The following TRHDE variants were observed in gnomAD, a reference collection of about 807,000 sequenced individuals.
The protein encoded by TRHDE is thyrotropin-releasing hormone-degrading ectoenzyme.
TRHDE carries 72 observed loss-of-function variants against 125.7 expected under a neutral mutation model. That is an observed-to-expected ratio of 0.57 (90% CI 0.47 to 0.70). The LOEUF is 0.70. TRHDE is among the 30% of genes least tolerant of loss of function. The pLI, the probability that TRHDE is intolerant of heterozygous loss-of-function variation, is 0.00. For missense variants in TRHDE, 1,110 were observed against 1,327.1 expected (o/e 0.84, Z 2.54); for synonymous variants, 509 against 509.1 (o/e 1.00, Z 0.00).
chr12:72,474,152 G>T (rs1446537623), intron 5 of TRHDE, among the ~76,000 whole-genome samples: 1 of 151,960 alleles, frequency 6.6e-6, no homozygotes, highest in Non-Finnish European at 1.5e-5. Flanking sequence ...TTTAATGTAT[G>T]CAACTTGATG....
At position 72,663,059 on chromosome 12, in the gene TRHDE, A is replaced by G. The variant is rs765093582; in HGVS notation, c.3074A>G (p.Asn1025Ser). 1 of 1,608,826 alleles carries G rather than the reference A, an allele frequency of 6.2e-7. No homozygotes were observed. Reference sequence around the variant, plus strand: ...AAAAATTTCTCTTTCCAGCTCAAGAACTTCATGAAAAACTATGATGGGGTA... The same window carrying G: ...AAAAATTTCTCTTTCCAGCTCAAGAGCTTCATGAAAAACTATGATGGGGTA... Reference protein sequence around the residue: ...NTEGELKELKNFMKNYDGVAA... With the variant: ...NTEGELKELKSFMKNYDGVAA... Residue 1025 changes from asparagine (N) to serine (S), a missense_variant, in exon 19 of 19, where the codon AAC becomes AGC. Physicochemically the swap from Asn to Ser is conservative, Grantham distance 46 (BLOSUM62 1). This residue lies in a region of TRHDE where 527 missense variants were observed against 651.8 expected (regional missense o/e 0.81). Coordinates refer to ENST00000261180, the MANE Select transcript of TRHDE (RefSeq NM_013381.3).
chr12:72,230,708 A>G (rs1878230601), intron 2 of TRHDE, among the ~76,000 whole-genome samples: 1 of 152,118 alleles, frequency 6.6e-6, no homozygotes, highest in Admixed American at 6.6e-5. Context: ...CAGGACACAG[A>G]AAGACCCATC....
At chr12:72,425,133 T>C (rs1874129889) in intron 3 of TRHDE, among the ~76,000 whole-genome samples, 1 of 152,082 alleles carries the variant, frequency 6.6e-6, no homozygotes, top group South Asian at 2.1e-4. Flanking sequence ...GCATATGCAT[T>C]TTGTTGTTGT....
intron 15 of TRHDE, among the ~76,000 whole-genome samples, chr12:72,648,516 A>T (rs1386573775): frequency 6.6e-6 from 1 of 152,186 alleles, no homozygotes; most frequent in Non-Finnish European, 1.5e-5. Context: ...TCCACCAAAA[A>T]CCATTAGAAC....
At chr12:72,117,030 C>T (rs1420542167) in intron 2 of TRHDE, among the ~76,000 whole-genome samples, 1 of 152,020 alleles carries the variant, frequency 6.6e-6, no homozygotes, top group Non-Finnish European at 1.5e-5. Context: ...TTTTTTCTCC[C>T]ATTCTGTGGG....
intron 6 of TRHDE, among the ~76,000 whole-genome samples, chr12:72,500,608 T>G (rs1878108656): frequency 6.6e-6 from 1 of 151,996 alleles, no homozygotes; most frequent in African/African-American, 2.4e-5. Flanking sequence ...GCCAGGCTGG[T>G]CTCAAACTCC....
At chr12:72,425,606 G>A (rs932887389) in intron 3 of TRHDE, among the ~76,000 whole-genome samples, 4 of 151,808 alleles carry the variant, frequency 2.6e-5, no homozygotes, top group Non-Finnish European at 5.9e-5. Context: ...AAGATAAGTG[G>A]AAAAAACAAC....
At chr12:72,181,460 C>G (rs1345491426) in intron 2 of TRHDE, among the ~76,000 whole-genome samples, 2 of 152,058 alleles carry the variant, frequency 1.3e-5, no homozygotes, top group East Asian at 3.9e-4. Context: ...CTGGGCTAAC[C>G]AAACCAGCTC....
intron 2 of TRHDE, among the ~76,000 whole-genome samples, chr12:72,361,261 A>T (rs1208033125): frequency 6.6e-6 from 1 of 151,886 alleles, no homozygotes; most frequent in Non-Finnish European, 1.5e-5. Context: ...CATGGGATTT[A>T]TTCAGGTGTT....
chr12:72,566,999 C>T (rs530700049), intron 9 of TRHDE, among the ~76,000 whole-genome samples: 1 of 152,020 alleles, frequency 6.6e-6, no homozygotes, highest in African/African-American at 2.4e-5. Context: ...CATAGTTGGG[C>T]ATCATGGTCT....
intron 2 of TRHDE, among the ~76,000 whole-genome samples, chr12:72,262,068 A>G (rs1292432438): frequency 2.6e-5 from 4 of 152,220 alleles, no homozygotes; most frequent in Admixed American, 2.0e-4. Flanking sequence ...ATCCATCTGC[A>G]GAGCAGAAGC....
chr12:72,572,677 A>T (rs1242298563), intron 10 of TRHDE, among the ~76,000 whole-genome samples: 1 of 152,122 alleles, frequency 6.6e-6, no homozygotes, highest in East Asian at 1.9e-4. Context: ...TACATTTAAT[A>T]ATGACATACT....
chr12:72,637,312 T>C (rs1484648355), intron 15 of TRHDE, among the ~76,000 whole-genome samples: 2 of 152,246 alleles, frequency 1.3e-5, no homozygotes, highest in Non-Finnish European at 2.9e-5. Context: ...TAATATTCTC[T>C]GATGGTAGTT....
intron 2 of TRHDE, among the ~76,000 whole-genome samples, chr12:72,369,682 A>G (rs1350947427): frequency 6.6e-6 from 1 of 152,148 alleles, no homozygotes; most frequent in Non-Finnish European, 1.5e-5. Flanking sequence ...GACAGTAGTT[A>G]CAGAAAGTTG....
intron 12 of TRHDE, among the ~76,000 whole-genome samples, chr12:72,592,833 C>A (rs2136049359): frequency 6.6e-6 from 1 of 152,086 alleles, no homozygotes; most frequent in Middle Eastern, 3.4e-3. Context: ...GCCTCAGCAT[C>A]CCGAGTAGCT....
At chr12:72,108,770 A>G (rs1875248116) in intron 2 of TRHDE, among the ~76,000 whole-genome samples, 1 of 152,136 alleles carries the variant, frequency 6.6e-6, no homozygotes. Context: ...ATTTGACAGT[A>G]TGAGAAGGGA....
chr12:72,645,690 T>TA (rs565940961), intron 15 of TRHDE, among the ~76,000 whole-genome samples: 156 of 152,096 alleles, frequency 1.0e-3, no homozygotes, highest in Non-Finnish European at 1.8e-3. Flanking sequence ...TTGGCAAAAG[T>TA]AAAAAAGAGA....
At chr12:72,177,582 TGTAGAATAAAGACTAAA>T (rs1228286416) in intron 2 of TRHDE, among the ~76,000 whole-genome samples, 1 of 152,164 alleles carries the variant, frequency 6.6e-6, no homozygotes, top group Admixed American at 6.6e-5. Flanking sequence ...ATTCTACATA[TGTAGAATAAAGACTAAA>T]AGCCAATTTT....
At chr12:72,595,668 T>A (rs1871908303) in intron 12 of TRHDE, among the ~76,000 whole-genome samples, 1 of 152,202 alleles carries the variant, frequency 6.6e-6, no homozygotes, top group Non-Finnish European at 1.5e-5. Context: ...TAGTCTTAGC[T>A]TCAATAAAAT....
Sources: gnomAD v4.1 joint callset for allele counts (sites outside exome capture counted in the v4.1 genomes callset) on GRCh38, gnomAD v4.1.1 for gene constraint, gnomAD v4.1.1 regional missense constraint, MANE v1.5 for transcripts, NCBI Gene and HGNC (gene_info 2026-07-23, HGNC 2026-07-21) for gene names.